PRKCE: variants seen among roughly 807,000 people sequenced by gnomAD.
The protein encoded by PRKCE is protein kinase C epsilon type.
Under a neutral mutation model 85.4 loss-of-function variants are expected in PRKCE, and 16 were observed. That is an observed-to-expected ratio of 0.19 (90% CI 0.13 to 0.28). The LOEUF is 0.28. PRKCE is among the 10% of genes least tolerant of loss of function. The pLI, the probability that PRKCE is intolerant of heterozygous loss-of-function variation, is 1.00. For missense variants in PRKCE, 573 were observed against 975.2 expected (o/e 0.59, Z 5.49); for synonymous variants, 388 against 371.5 (o/e 1.04, Z -0.51).
intron 1 of PRKCE, among the ~76,000 whole-genome samples, chr2:45,715,058 A>G (rs1398809094): frequency 6.6e-6 from 1 of 152,202 alleles, no homozygotes; most frequent in Non-Finnish European, 1.5e-5. Context: ...AGAAAATAAG[A>G]CTGGGCTGCA....
chr2:45,815,810 A>T (rs1244534573), intron 1 of PRKCE, among the ~76,000 whole-genome samples: 1 of 152,220 alleles, frequency 6.6e-6, no homozygotes, highest in African/African-American at 2.4e-5. Flanking sequence ...TAGAACTAGT[A>T]GATTCTAGTT....
At chr2:45,829,735 T>C (rs1299487277) in intron 1 of PRKCE, among the ~76,000 whole-genome samples, 7 of 152,222 alleles carry the variant, frequency 4.6e-5, no homozygotes, top group Non-Finnish European at 1.0e-4. Context: ...TGGAACCATA[T>C]GCTCCCCACT....
At chr2:46,028,155 C>G (rs565848895) in intron 10 of PRKCE, among the ~76,000 whole-genome samples, 16 of 152,064 alleles carry the variant, frequency 1.1e-4, no homozygotes, top group African/African-American at 3.9e-4. Flanking sequence ...CTGGCCAGGC[C>G]GGTCTCAAAC....
intron 1 of PRKCE, among the ~76,000 whole-genome samples, chr2:45,726,103 G>GA (rs1681049966): frequency 6.6e-6 from 1 of 152,172 alleles, no homozygotes. Flanking sequence ...GCTTCTTAGG[G>GA]AAAAACAAAG....
intron 11 of PRKCE, among the ~76,000 whole-genome samples, chr2:46,141,378 C>T (rs746145210): frequency 6.6e-6 from 1 of 151,954 alleles, no homozygotes; most frequent in East Asian, 1.9e-4. Flanking sequence ...TGGTAAGCTC[C>T]CATTTAGTTA....
At chr2:45,678,030 T>A in intron 1 of PRKCE, 1 of 393,178 alleles carries the variant, frequency 2.5e-6, no homozygotes, top group Non-Finnish European at 3.5e-6. Flanking sequence ...AAGAAGTTGG[T>A]GGTTCTACAC....
intron 1 of PRKCE, among the ~76,000 whole-genome samples, chr2:45,689,007 G>C (rs1209734726): frequency 6.6e-6 from 1 of 152,184 alleles, no homozygotes. Context: ...CAGAACATAA[G>C]AACACAAGGA....
At chr2:45,948,342 A>C (rs1700379690) in intron 2 of PRKCE, among the ~76,000 whole-genome samples, 1 of 152,226 alleles carries the variant, frequency 6.6e-6, no homozygotes, top group Non-Finnish European at 1.5e-5. Context: ...TAGCAAATAT[A>C]AAAATTTTGT....
intron 14 of PRKCE, among the ~76,000 whole-genome samples, chr2:46,163,622 AT>A (rs1466734446): frequency 2.5e-5 from 3 of 120,610 alleles, no homozygotes; most frequent in East Asian, 2.7e-4. Context: ...GCTGAGCTTC[AT>A]CCCCACAGAG....
Position 46,007,625 on chromosome 2 carries a change from C to T in PRKCE, c.1227C>T (p.Asn409=). Residue 409 remains asparagine (N), a synonymous_variant, in exon 9 of 15, where the codon AAC becomes AAT. Coordinates refer to ENST00000306156, the MANE Select transcript of PRKCE (RefSeq NM_005400.3). ...QAKRLGLDEF[N]FIKVLGKGSF... Reference sequence around the variant, plus strand: ...AGCGCCTGGGCCTGGATGAGTTCAACTTCATCAAGGTGTTGGGCAAAGGCA... The same window carrying T: ...AGCGCCTGGGCCTGGATGAGTTCAATTTCATCAAGGTGTTGGGCAAAGGCA... 6.3e-7 allele frequency: 1 copy of T among 1,599,802 alleles called. No individual in the cohort carries two copies. The highest frequency in any genetic ancestry group is 8.5e-7 in the Non-Finnish European group (1 of 1,179,966).
intron 10 of PRKCE, among the ~76,000 whole-genome samples, chr2:46,054,690 C>T (rs1212634222): frequency 6.6e-6 from 1 of 152,176 alleles, no homozygotes; most frequent in Non-Finnish European, 1.5e-5. Flanking sequence ...AGGTCCCCAG[C>T]AAGGGCCCTA....
At chr2:45,899,472 C>G (rs1245969572) in intron 2 of PRKCE, among the ~76,000 whole-genome samples, 1 of 151,998 alleles carries the variant, frequency 6.6e-6, no homozygotes, top group East Asian at 1.9e-4. Context: ...CCTCAATCTC[C>G]CTAGGCTCAG....
At chr2:46,102,579 T>C (rs1182723324) in intron 11 of PRKCE, among the ~76,000 whole-genome samples, 2 of 152,214 alleles carry the variant, frequency 1.3e-5, no homozygotes, top group Non-Finnish European at 2.9e-5. Context: ...TTGTCGTTGT[T>C]CCAGGATCTC....
chr2:45,810,122 C>A (rs1008025546), intron 1 of PRKCE, among the ~76,000 whole-genome samples: 12 of 151,900 alleles, frequency 7.9e-5, no homozygotes, highest in Non-Finnish European at 1.6e-4. Flanking sequence ...CTCACTGCAA[C>A]CTCCGCCTCC....
chr2:45,742,163 A>G (rs917399613), intron 1 of PRKCE, among the ~76,000 whole-genome samples: 2 of 152,234 alleles, frequency 1.3e-5, no homozygotes, highest in Non-Finnish European at 2.9e-5. Context: ...CAAAACGAAA[A>G]GGAAACCCAC....
chr2:46,126,356 G>C (rs148462850), intron 11 of PRKCE, among the ~76,000 whole-genome samples: 1 of 152,030 alleles, frequency 6.6e-6, no homozygotes, highest in Non-Finnish European at 1.5e-5. Flanking sequence ...CCTATTGGGG[G>C]CATTCACATT....
rs2104111190 is a variant in PRKCE at position 45,694,113 on chromosome 2, A to T, written c.348+41665A>T. On this transcript the variant is annotated intron_variant, in intron 1 of 14. Transcript: ENST00000306156. ...CTAACGATATGAGGATGAGAGGCTT[A>T]CACCTCAGCTCCAAGAGCTTCCCAT... Among the ~76,000 whole-genome samples, 2 of 151,282 alleles carry T rather than the reference A, an allele frequency of 1.3e-5. 1 individual carries two copies. Among genetic ancestry groups the T allele is most frequent in the South Asian group, 4.2e-4 (2 of 4,718 alleles).
At chr2:46,002,337 G>A (rs1394760629) in intron 7 of PRKCE, among the ~76,000 whole-genome samples, 1 of 152,198 alleles carries the variant, frequency 6.6e-6, no homozygotes, top group East Asian at 1.9e-4. Flanking sequence ...GGCCCTCATT[G>A]CCCAGTGGCG....
At chr2:45,983,426 T>A (rs1456441855) in intron 5 of PRKCE, among the ~76,000 whole-genome samples, 1 of 152,156 alleles carries the variant, frequency 6.6e-6, no homozygotes, top group African/African-American at 2.4e-5. Flanking sequence ...CTCCTGCCGA[T>A]ACTGAGAGGG....
Sources: allele counts gnomAD v4.1 joint callset (sites outside exome capture counted in the v4.1 genomes callset), GRCh38; gene constraint gnomAD v4.1.1; transcripts MANE v1.5; gene names NCBI Gene and HGNC (gene_info 2026-07-23, HGNC 2026-07-21).